Variants in DNM3 observed in about 807,000 individuals in gnomAD.
The protein encoded by DNM3 is dynamin-3.
DNM3 carries 47 observed loss-of-function variants against 101.6 expected under a neutral mutation model. The ratio of observed to expected loss-of-function variants is 0.46; its 90% CI spans 0.37 to 0.59. The LOEUF (loss-of-function observed/expected upper bound fraction) is 0.59, where lower values mean the gene tolerates loss of function less well. Ranked by LOEUF, DNM3 falls within the 20% of genes least tolerant of loss-of-function variation. The pLI is 0.00. For synonymous variants in DNM3, 385 were observed against 387.9 expected (o/e 0.99, Z 0.09); for missense variants, 849 against 1,085.7 (o/e 0.78, Z 3.06).
chr1:172,346,646 T>G (rs986376056), intron 17 of DNM3, among the ~76,000 whole-genome samples: 3 of 152,220 alleles, frequency 2.0e-5, no homozygotes, highest in Non-Finnish European at 4.4e-5. Context: ...CATGGACATA[T>G]ACACATATTT....
chr1:172,188,773 G>T (rs1394599169), intron 14 of DNM3, among the ~76,000 whole-genome samples: 2 of 152,044 alleles, frequency 1.3e-5, no homozygotes, highest in Non-Finnish European at 2.9e-5. Flanking sequence ...TTTACAGGTG[G>T]CTGCATCATT....
At chr1:172,010,726 C>T (rs1320566655) in intron 4 of DNM3, among the ~76,000 whole-genome samples, 2 of 121,678 alleles carry the variant, frequency 1.6e-5, no homozygotes, top group East Asian at 5.4e-4. Flanking sequence ...GTGTGTGTAG[C>T]TGATGTTCTT....
At chr1:172,333,435 C>T (rs1054670208) in intron 17 of DNM3, among the ~76,000 whole-genome samples, 1 of 152,084 alleles carries the variant, frequency 6.6e-6, no homozygotes, top group African/African-American at 2.4e-5. Flanking sequence ...TAAAATTAAG[C>T]AATCTGAATA....
intron 15 of DNM3, among the ~76,000 whole-genome samples, chr1:172,274,649 T>G (rs1217886823): frequency 6.6e-6 from 1 of 151,948 alleles, no homozygotes. Flanking sequence ...TCCTTCATCT[T>G]GGATCAAAAT....
At chr1:172,071,119 A>C (rs1037906286) in intron 11 of DNM3, among the ~76,000 whole-genome samples, 3 of 125,160 alleles carry the variant, frequency 2.4e-5, no homozygotes, top group South Asian at 2.7e-4. Flanking sequence ...ATATATATAT[A>C]TCTTAGTTCT....
chr1:172,003,548 C>T (rs747934308), intron 4 of DNM3, among the ~76,000 whole-genome samples: 1 of 151,828 alleles, frequency 6.6e-6, no homozygotes, highest in East Asian at 1.9e-4. Flanking sequence ...CTCCTGCCCC[C>T]TCCCCTTCCT....
intron 2 of DNM3, among the ~76,000 whole-genome samples, chr1:171,937,464 G>A (rs1007603013): frequency 6.6e-6 from 1 of 152,084 alleles, no homozygotes; most frequent in African/African-American, 2.4e-5. Context: ...ATTTTAATGT[G>A]CACAAGATAC....
chr1:172,080,627 A>G (rs552799880), intron 11 of DNM3, among the ~76,000 whole-genome samples: 4 of 152,234 alleles, frequency 2.6e-5, no homozygotes, highest in African/African-American at 9.6e-5. Context: ...TTTCCAGGGG[A>G]GTGAACGGTT....
chr1:171,919,764 C>A, intron 1 of DNM3, among the ~76,000 whole-genome samples: 1 of 152,096 alleles, frequency 6.6e-6, no homozygotes, highest in East Asian at 1.9e-4. Flanking sequence ...TTCAAAACAT[C>A]ATTATAAAGA....
chr1:171,973,828 T>C (rs547785755), intron 2 of DNM3, among the ~76,000 whole-genome samples: 1 of 152,192 alleles, frequency 6.6e-6, no homozygotes, highest in South Asian at 2.1e-4. Context: ...TATGCCTGGC[T>C]AATTTTTTGG....
chr1:172,273,224 ACT>A (rs1156433156), intron 15 of DNM3, among the ~76,000 whole-genome samples: 1 of 151,986 alleles, frequency 6.6e-6, no homozygotes, highest in Non-Finnish European at 1.5e-5. Context: ...CAGAGCACTA[ACT>A]CTGACATGTC....
chr1:172,338,831 A>G (rs1450125056), intron 17 of DNM3: 4 of 481,402 alleles, frequency 8.3e-6, no homozygotes, highest in African/African-American at 3.9e-5. Context: ...TGTATAATCA[A>G]TCCTTCATTA....
Position 172,198,427 on chromosome 1 carries a change from C to T in DNM3, c.1660-55146C>T, listed in dbSNP as rs566666846. 2.6e-5 allele frequency among the ~76,000 whole-genome samples: 4 copies of T among 152,134 alleles called. No homozygotes were observed. In the South Asian group the frequency reaches 6.2e-4, roughly 24 times the overall value. On this transcript the variant is annotated intron_variant, in intron 14 of 20. Coordinates refer to ENST00000627582, the MANE Select transcript of DNM3 (RefSeq NM_015569.5). ...TTTGGTATCAAGATGATGCTGGCCT[C>T]ATAGATTAAGTTGGGGAGGAGCCTC...
At chr1:171,919,561 C>A (rs1373065705) in intron 1 of DNM3, among the ~76,000 whole-genome samples, 4 of 152,058 alleles carry the variant, frequency 2.6e-5, no homozygotes, top group Admixed American at 2.0e-4. Flanking sequence ...TTTTTTCCCT[C>A]CCTGCATTCA....
chr1:171,902,169 C>T (rs191263440), intron 1 of DNM3, among the ~76,000 whole-genome samples: 1 of 152,282 alleles, frequency 6.6e-6, no homozygotes, highest in Non-Finnish European at 1.5e-5. Context: ...AACAAATATT[C>T]CTCTTTTAAT....
intron 14 of DNM3, among the ~76,000 whole-genome samples, chr1:172,227,177 G>T (rs983610157): frequency 1.6e-4 from 24 of 149,270 alleles, no homozygotes; most frequent in Non-Finnish European, 1.2e-4. Context: ...TCATTCCTGA[G>T]TTAGTTCACT....
At chr1:172,240,228 C>G (rs1453806310) in intron 14 of DNM3, among the ~76,000 whole-genome samples, 2 of 152,146 alleles carry the variant, frequency 1.3e-5, no homozygotes, top group African/African-American at 2.4e-5. Context: ...ACAGTCAATG[C>G]AAAGGGCTTC....
rs1204104512 is a variant in DNM3 at position 172,410,605 on chromosome 1, T to C, written c.*2764T>C. On this transcript the variant is annotated 3_prime_UTR_variant, in exon 21 of 21. Coordinates refer to ENST00000627582, the MANE Select transcript of DNM3 (RefSeq NM_015569.5). ...TGAAATAGTATTGATTTAGAAAAAG[T>C]ATATTGCATTTCTAAAAAACATCTA... 5 of 984,668 alleles carry C rather than the reference T, an allele frequency of 5.1e-6. No homozygotes were observed. Among genetic ancestry groups the C allele is most frequent in the Non-Finnish European group, 6.0e-6 (5 of 829,350 alleles). 61.0% of individuals were successfully genotyped at this position (984,668 alleles called of 1,614,324 possible). A position where few individuals can be genotyped will look rare whatever the true frequency, so the allele number is the denominator to read the frequency against.
intron 17 of DNM3, among the ~76,000 whole-genome samples, chr1:172,365,826 C>T (rs2067985629): frequency 6.6e-6 from 1 of 151,912 alleles, no homozygotes. Context: ...TAACCAAACA[C>T]TGTACGTGAG....
Sources: gnomAD v4.1 joint callset for allele counts (sites outside exome capture counted in the v4.1 genomes callset) on GRCh38, gnomAD v4.1.1 for gene constraint, MANE v1.5 for transcripts, NCBI Gene and HGNC (gene_info 2026-07-23, HGNC 2026-07-21) for gene names.